Variants in CSNK1G1 observed in about 807,000 individuals in gnomAD.
CSNK1G1 encodes casein kinase I isoform gamma-1.
In CSNK1G1, 22 loss-of-function variants were observed where a neutral mutation model predicts 59.6. The observed-to-expected ratio is 0.37, with a 90% CI of 0.26 to 0.53. The LOEUF is 0.53. Ranked by LOEUF, CSNK1G1 falls within the 20% of genes least tolerant of loss-of-function variation. The pLI, the probability that CSNK1G1 is intolerant of heterozygous loss-of-function variation, is 0.89. For synonymous variants in CSNK1G1, 179 were observed against 177.1 expected (o/e 1.01, Z -0.08); for missense variants, 384 against 519.5 (o/e 0.74, Z 2.54).
At chr15:64,236,142 C>CAAAAAAAAAAAA (rs532663571) in intron 4 of CSNK1G1, among the ~76,000 whole-genome samples, 5 of 68,014 alleles carry the variant, frequency 7.4e-5, no homozygotes, top group African/African-American at 1.3e-4. Context: ...GACTCCATCT[C>CAAAAAAAAAAAA]AAAAAAAAAA....
intron 10 of CSNK1G1, chr15:64,189,578 A>T (rs2081942392): frequency 1.5e-6 from 1 of 646,196 alleles, no homozygotes; most frequent in Non-Finnish European, 2.1e-6. Context: ...AGGGGTTAGG[A>T]TGTGATATTG....
At chr15:64,298,218 T>C (rs1895131623) in intron 2 of CSNK1G1, among the ~76,000 whole-genome samples, 1 of 152,274 alleles carries the variant, frequency 6.6e-6, no homozygotes, top group Non-Finnish European at 1.5e-5. Context: ...ACTTCAGTGA[T>C]TAAACAGATT....
chr15:64,356,083 C>G lies in CSNK1G1; in HGVS notation c.-320G>C, dbSNP rs1596313606. The G allele has an allele frequency of 6.6e-6, 1 of 152,254 alleles. No individual in the cohort carries two copies. The highest frequency in any genetic ancestry group is 2.4e-5 in the African/African-American group (1 of 41,460). The allele number at this position is 152,254 out of a possible 1,614,324, so 9.4% of individuals were successfully genotyped here. On this transcript the variant is annotated 5_prime_UTR_variant, in exon 1 of 12. Transcript: ENST00000303052. The stretch of plus-strand genomic sequence containing the variant: ...CTACCCACCCGCAGCGGTGGTTTCT[C>G]TCTTTCCCAGGAGCGGGAGGGAGGG...
At chr15:64,173,289 G>A (rs1177687334) in intron 11 of CSNK1G1, among the ~76,000 whole-genome samples, 1 of 152,186 alleles carries the variant, frequency 6.6e-6, no homozygotes, top group African/African-American at 2.4e-5. Context: ...AAAAACTGGA[G>A]AAAGTTTCTA....
chr15:64,203,633 G>A (rs1567371324), intron 9 of CSNK1G1, among the ~76,000 whole-genome samples: 1 of 148,322 alleles, frequency 6.7e-6, no homozygotes, highest in African/African-American at 2.5e-5. Context: ...GGAGGCGGAG[G>A]TTGCGGTGAG....
chr15:64,255,095 G>C (rs1892299364), intron 3 of CSNK1G1, among the ~76,000 whole-genome samples: 1 of 151,460 alleles, frequency 6.6e-6, no homozygotes, highest in Non-Finnish European at 1.5e-5. Flanking sequence ...TTTTTCTTTT[G>C]AGATGGAATC....
chr15:64,312,343 G>A (rs1896040420), intron 1 of CSNK1G1, among the ~76,000 whole-genome samples: 1 of 152,124 alleles, frequency 6.6e-6, no homozygotes, highest in Non-Finnish European at 1.5e-5. Context: ...CACGCTACCT[G>A]ACTTCAAACT....
chr15:64,257,232 CA>C (rs1233659668), intron 3 of CSNK1G1, among the ~76,000 whole-genome samples: 5 of 151,844 alleles, frequency 3.3e-5, no homozygotes, highest in Non-Finnish European at 7.4e-5. Flanking sequence ...ATGTAACGAT[CA>C]ATCATGTCAA....
At chr15:64,179,063 T>C (rs970925845) in intron 11 of CSNK1G1, among the ~76,000 whole-genome samples, 5 of 152,006 alleles carry the variant, frequency 3.3e-5, no homozygotes, top group African/African-American at 9.7e-5. Flanking sequence ...AAAGGACTTC[T>C]TGAAGGTAAA....
chr15:64,180,300 A>G (rs1379645954), intron 11 of CSNK1G1, 48 bp downstream of exon 11: 3 of 1,386,804 alleles, frequency 2.2e-6, no homozygotes, highest in African/African-American at 2.8e-5. Flanking sequence ...GAGACAGAAA[A>G]GATTTTTCAA....
At chr15:64,308,351 G>C (rs1191898634) in intron 1 of CSNK1G1, among the ~76,000 whole-genome samples, 1 of 151,986 alleles carries the variant, frequency 6.6e-6, no homozygotes, top group Non-Finnish European at 1.5e-5. Flanking sequence ...CTCCAGCCTT[G>C]GCCTCCCACA....
chr15:64,349,655 A>C (rs1898173009), intron 1 of CSNK1G1, among the ~76,000 whole-genome samples: 1 of 152,122 alleles, frequency 6.6e-6, no homozygotes, highest in African/African-American at 2.4e-5. Context: ...GGGATACCAC[A>C]CTAGTGCTAT....
At chr15:64,211,989 C>T (rs993894724) in intron 6 of CSNK1G1, among the ~76,000 whole-genome samples, 5 of 152,176 alleles carry the variant, frequency 3.3e-5, no homozygotes, top group African/African-American at 9.7e-5. Flanking sequence ...TTTTTGTTTC[C>T]TTGTAAAATG....
At chr15:64,248,992 G>A (rs1046999259) in intron 4 of CSNK1G1, among the ~76,000 whole-genome samples, 6 of 152,116 alleles carry the variant, frequency 3.9e-5, no homozygotes, top group Non-Finnish European at 5.9e-5. Context: ...GCATGGTGGC[G>A]GGCGCCTGTA....
chr15:64,260,597 G>C (rs192896507), intron 2 of CSNK1G1, among the ~76,000 whole-genome samples: 21 of 152,136 alleles, frequency 1.4e-4, no homozygotes, highest in Admixed American at 9.2e-4. Flanking sequence ...AATTAGCCGG[G>C]GGTGGTGGTG....
chr15:64,247,711 G>T (rs775854897), intron 4 of CSNK1G1, among the ~76,000 whole-genome samples: 1 of 152,090 alleles, frequency 6.6e-6, no homozygotes, highest in Non-Finnish European at 1.5e-5. Flanking sequence ...TCTAGATCAG[G>T]TCATCAATGT....
rs1440689149 is a variant in CSNK1G1, at chr15:64,210,848, T to C, written c.679+3042A>G. The stretch of plus-strand genomic sequence containing the variant: ...GGCCAAATGGAAGGTGTTTGGGTCA[T>C]GGGGGTATATCCCTCATTAACTGAT... On this transcript the variant is annotated intron_variant, in intron 6 of 11. Transcript: ENST00000303052. The surrounding 1 kb of genome is among the most constrained non-coding windows in gnomAD (Gnocchi z 4.2). 6.6e-6 allele frequency among the ~76,000 whole-genome samples: 1 copy of C among 152,186 alleles called. No homozygotes were observed. Among genetic ancestry groups the C allele is most frequent in the Non-Finnish European group, 1.5e-5 (1 of 68,038 alleles).
At chr15:64,254,148 C>G (rs1267967660) in intron 3 of CSNK1G1, among the ~76,000 whole-genome samples, 1 of 149,630 alleles carries the variant, frequency 6.7e-6, no homozygotes. Flanking sequence ...TCCAAAAAAA[C>G]AAACAATAAA....
At chr15:64,309,009 T>C (rs536769409) in intron 1 of CSNK1G1, among the ~76,000 whole-genome samples, 25 of 152,162 alleles carry the variant, frequency 1.6e-4, no homozygotes, top group Non-Finnish European at 3.2e-4. Context: ...TTAATGAATA[T>C]CAAACTTACT....
Sources: allele counts gnomAD v4.1 joint callset (sites outside exome capture counted in the v4.1 genomes callset), GRCh38; gene constraint gnomAD v4.1.1; non-coding constraint Gnocchi (gnomAD v3.1); transcripts MANE v1.5; gene names NCBI Gene and HGNC (gene_info 2026-07-23, HGNC 2026-07-21).